The following LGR5 variants were observed in gnomAD, a reference collection of about 807,000 sequenced individuals.
LGR5 encodes the protein leucine-rich repeat-containing G protein-coupled receptor 5.
LGR5 carries 54 observed loss-of-function variants against 76.7 expected under a neutral mutation model. That is an observed-to-expected ratio of 0.70 (90% CI 0.57 to 0.88). The LOEUF (loss-of-function observed/expected upper bound fraction) is 0.88. LGR5 is among the 40% of genes least tolerant of loss of function. LGR5 has a pLI of 0.00. For synonymous variants in LGR5, 406 were observed against 421.9 expected (o/e 0.96, Z 0.46); for missense variants, 1,078 against 1,073.3 (o/e 1.00, Z -0.06).
At chr12:71,566,326 A>G (rs1878337293) in intron 8 of LGR5, 78 bp from the exon 9 acceptor site, 9 of 882,554 alleles carry the variant, frequency 1.0e-5, no homozygotes, top group Non-Finnish European at 1.5e-5. Context: ...CATTTACTGT[A>G]TTTGTTCAAA....
At chr12:71,548,836 ACACAC>A in intron 4 of LGR5, among the ~76,000 whole-genome samples, 1 of 152,006 alleles carries the variant, frequency 6.6e-6, no homozygotes, top group Non-Finnish European at 1.5e-5. Flanking sequence ...ACACACACAC[ACACAC>A]ACACACACCC....
At chr12:71,514,016 G>A (rs1186629200) in intron 2 of LGR5, among the ~76,000 whole-genome samples, 2 of 152,124 alleles carry the variant, frequency 1.3e-5, no homozygotes, top group Non-Finnish European at 2.9e-5. Context: ...GCAGAGTGGT[G>A]CGTACCTGTA....
In LGR5 at chr12:71,585,841, T is replaced by C. The variant is rs1285292662; in HGVS notation, c.*1107T>C. 1 of 152,212 alleles carries C rather than the reference T, an allele frequency of 6.6e-6. No individual in the cohort carries two copies. Among genetic ancestry groups the C allele is most frequent in the Non-Finnish European group, 1.5e-5 (1 of 68,036 alleles). 9.4% of individuals were successfully genotyped at this position (152,212 alleles called of 1,614,324 possible). ...CCCACTTGATGTTAGGAACATTACTTCTCTGCTTATTCCATATTAATACTG... is the reference window on the plus strand; with the variant it reads ...CCCACTTGATGTTAGGAACATTACTCCTCTGCTTATTCCATATTAATACTG... On this transcript the variant is annotated 3_prime_UTR_variant, in exon 18 of 18. Coordinates refer to ENST00000266674, the MANE Select transcript of LGR5 (RefSeq NM_003667.4).
intron 11 of LGR5, among the ~76,000 whole-genome samples, chr12:71,567,483 T>C (rs1878405379): frequency 6.6e-6 from 1 of 152,202 alleles, no homozygotes. Context: ...AGACTTGTTT[T>C]GACCTTCCAT....
intron 8 of LGR5, among the ~76,000 whole-genome samples, chr12:71,563,055 C>T (rs749265251): frequency 6.6e-6 from 1 of 152,160 alleles, no homozygotes; most frequent in Non-Finnish European, 1.5e-5. Flanking sequence ...GCTCCTCCTT[C>T]TGCAGCCACA....
At chr12:71,490,967 G>A (rs114759241) in intron 1 of LGR5, among the ~76,000 whole-genome samples, 81 of 152,248 alleles carry the variant, frequency 5.3e-4, no homozygotes, top group Middle Eastern at 3.4e-3. Flanking sequence ...TCATGAGAGG[G>A]ACCTGGTGGG....
intron 1 of LGR5, among the ~76,000 whole-genome samples, chr12:71,473,477 T>A (rs552845972): frequency 7.2e-5 from 11 of 152,102 alleles, no homozygotes; most frequent in South Asian, 2.1e-4. Flanking sequence ...TTTATTCATT[T>A]AAAAAAAATT....
chr12:71,533,238 G>A (rs977896998), intron 3 of LGR5, among the ~76,000 whole-genome samples: 11 of 152,180 alleles, frequency 7.2e-5, no homozygotes, highest in African/African-American at 2.2e-4. Context: ...CCAGCTACTC[G>A]GGAGGCTGAG....
intron 4 of LGR5, among the ~76,000 whole-genome samples, chr12:71,551,198 C>T (rs944366785): frequency 1.6e-4 from 24 of 152,160 alleles, no homozygotes; most frequent in African/African-American, 5.6e-4. Flanking sequence ...CCAAGGAGGG[C>T]CTTTGAGGCA....
intron 1 of LGR5, among the ~76,000 whole-genome samples, chr12:71,481,023 C>T (rs1592476652): frequency 6.6e-6 from 1 of 152,262 alleles, no homozygotes; most frequent in African/African-American, 2.4e-5. Flanking sequence ...TCATGGGCAA[C>T]CAGCAACGGC....
chr12:71,489,508 T>G (rs1873972239), intron 1 of LGR5, among the ~76,000 whole-genome samples: 1 of 152,190 alleles, frequency 6.6e-6, no homozygotes, highest in African/African-American at 2.4e-5. Flanking sequence ...TCATACAGAT[T>G]GCATATTTTA....
intron 1 of LGR5, among the ~76,000 whole-genome samples, chr12:71,451,613 A>C (rs1219876802): frequency 6.6e-6 from 1 of 152,202 alleles, no homozygotes; most frequent in Admixed American, 6.5e-5. Flanking sequence ...CTCCCACATC[A>C]TGCTGAACCC....
rs1274961563 is a variant in LGR5 at position 71,440,778 on chromosome 12, C to A, written c.212+486C>A. Among the ~76,000 whole-genome samples, 1 of 152,230 alleles carries A rather than the reference C, an allele frequency of 6.6e-6. No homozygotes were observed. Among genetic ancestry groups the A allele is most frequent in the Non-Finnish European group, 1.5e-5 (1 of 68,044 alleles). The stretch of plus-strand genomic sequence containing the variant: ...GCTCCAAAGGGTTTTTAGTCTGCAT[C>A]CCTTGCACTGTGACGTGATGTAACC... On this transcript the variant is annotated intron_variant, in intron 1 of 17. Transcript: ENST00000266674. The surrounding 1 kb of genome is among the most constrained non-coding windows in gnomAD (Gnocchi z 5.3).
At chr12:71,479,552 G>A (rs1205509331) in intron 1 of LGR5, among the ~76,000 whole-genome samples, 3 of 152,168 alleles carry the variant, frequency 2.0e-5, no homozygotes, top group Non-Finnish European at 4.4e-5. Flanking sequence ...GAAAAGAATG[G>A]AGAGGAGGGA....
intron 1 of LGR5, among the ~76,000 whole-genome samples, chr12:71,446,338 G>A (rs1195566167): frequency 6.6e-6 from 1 of 152,168 alleles, no homozygotes; most frequent in Non-Finnish European, 1.5e-5. Context: ...TGATTTACAT[G>A]TATAAATTAC....
At chr12:71,497,131 T>G (rs960380761) in intron 1 of LGR5, among the ~76,000 whole-genome samples, 2 of 151,646 alleles carry the variant, frequency 1.3e-5, no homozygotes, top group African/African-American at 4.9e-5. Flanking sequence ...CTGGGCAACA[T>G]AGTGAGACCT....
chr12:71,456,971 A>G (rs1318704906), intron 1 of LGR5, among the ~76,000 whole-genome samples: 1 of 152,162 alleles, frequency 6.6e-6, no homozygotes, highest in African/African-American at 2.4e-5. Flanking sequence ...TGGAAACTGA[A>G]TAAGATTCCA....
rs1358963910 is a variant in LGR5 at position 71,531,644 on chromosome 12, G to A, written c.357-3471G>A. ...GCACTTTGGAAGGCCAAGGTGGGTA[G>A]ATCATTTGAGGTCAGGAGTTCAAGA... On this transcript the variant is annotated intron_variant, in intron 3 of 17. Transcript: ENST00000266674. Among the ~76,000 whole-genome samples the A allele has an allele frequency of 2.0e-5, 3 of 152,284 alleles. No homozygotes were observed. In the South Asian group the frequency reaches 6.2e-4, roughly 32 times the overall value.
intron 7 of LGR5, 47 bp downstream of exon 7, chr12:71,559,701 AATTT>A: frequency 9.8e-7 from 1 of 1,017,626 alleles, no homozygotes; most frequent in Non-Finnish European, 1.5e-6. Flanking sequence ...TCCTTTTGTG[AATTT>A]ATTTAAAAAT....
Sources: gnomAD v4.1 joint callset for allele counts (sites outside exome capture counted in the v4.1 genomes callset) on GRCh38, gnomAD v4.1.1 for gene constraint, Gnocchi (gnomAD v3.1) non-coding constraint, MANE v1.5 for transcripts, NCBI Gene and HGNC (gene_info 2026-07-23, HGNC 2026-07-21) for gene names.